CADPS: variants seen among roughly 807,000 people sequenced by gnomAD.
CADPS encodes calcium dependent secretion activator, also known as calcium-dependent secretion activator 1.
A neutral mutation model predicts 167.3 loss-of-function variants in CADPS; 57 were observed. That is an observed-to-expected ratio of 0.34 (90% CI 0.28 to 0.42). CADPS has a LOEUF of 0.42. CADPS is among the 20% of genes least tolerant of loss of function. CADPS has a pLI of 1.00. For synonymous variants in CADPS, 676 were observed against 635.3 expected, an observed-to-expected ratio of 1.06 and a Z score of -0.96; for missense variants, 1,414 against 1,738.1, an observed-to-expected ratio of 0.81 and a Z score of 3.32.
Position 62,587,387 on chromosome 3 carries a change from G to A in CADPS, c.1438-2063C>T, listed in dbSNP as rs190795430. Among the ~76,000 whole-genome samples the A allele has an allele frequency of 9.2e-4, 140 of 152,250 alleles. 3 individuals are homozygous for A. Among genetic ancestry groups the A allele is most frequent in the African/African-American group, 2.8e-3 (116 of 41,570 alleles). On this transcript the variant is annotated intron_variant, in intron 7 of 29. Coordinates refer to ENST00000383710, the MANE Select transcript of CADPS (RefSeq NM_003716.4). ...CTCCAGGAACTGCCTGTTCTTACAC[G>A]TCACCCTGTATCATGTACCACATCC...
Position 62,742,198 on chromosome 3 carries a change from G to T in CADPS, c.888+11243C>A, listed in dbSNP as rs141762156. ...TCAATATTGTTAAAATGGTCATACT[G>T]CCCAAAGCAATTTATAGATTCAATG... On this transcript the variant is annotated intron_variant, in intron 3 of 29. Coordinates refer to ENST00000383710, the MANE Select transcript of CADPS (RefSeq NM_003716.4). Among the ~76,000 whole-genome samples the T allele has an allele frequency of 2.6e-4, 39 of 152,176 alleles. No individual in the cohort carries two copies. The East Asian group carries it at 6.4e-3, about 25-fold the overall frequency.
intron 6 of CADPS, among the ~76,000 whole-genome samples, chr3:62,627,425 T>C (rs946019384): frequency 1.3e-5 from 2 of 152,158 alleles, no homozygotes; most frequent in African/African-American, 4.8e-5. Context: ...ATGGGCAAGC[T>C]GTTCTGCCTT....
At chr3:62,650,750 G>C (rs1215976524) in intron 5 of CADPS, 97 bp downstream of exon 5, 1 of 817,244 alleles carries the variant, frequency 1.2e-6, no homozygotes, top group Admixed American at 2.3e-5. Flanking sequence ...AACTGCTCCT[G>C]GGGTGCAACA....
At chr3:62,419,212 C>A (rs182818640) in intron 28 of CADPS, among the ~76,000 whole-genome samples, 1 of 152,272 alleles carries the variant, frequency 6.6e-6, no homozygotes, top group Admixed American at 6.5e-5. Flanking sequence ...TGTGATTAAG[C>A]CCCAATCAGC....
intron 6 of CADPS, among the ~76,000 whole-genome samples, chr3:62,609,525 T>C (rs1005002767): frequency 1.3e-5 from 2 of 152,188 alleles, no homozygotes; most frequent in African/African-American, 2.4e-5. Context: ...GTGGACTTTG[T>C]AGTTAGATGG....
At position 62,606,552 on chromosome 3, in the gene CADPS, C is replaced by T. The variant is rs372286495; in HGVS notation, c.1326-13804G>A. On this transcript the variant is annotated intron_variant, in intron 6 of 29. Coordinates refer to ENST00000383710, the MANE Select transcript of CADPS (RefSeq NM_003716.4). ...ACCTTGGACTTCTCAGCCTCCATGA[C>T]TGTAAGAAATAAATTCCTTTTCTTT... Among the ~76,000 whole-genome samples, 3 of 152,196 alleles carry T rather than the reference C, an allele frequency of 2.0e-5. No individual in the cohort carries two copies. In the South Asian group the frequency reaches 6.2e-4, roughly 31 times the overall value.
At chr3:62,773,670 C>A (rs2089514305) in intron 1 of CADPS, among the ~76,000 whole-genome samples, 1 of 152,056 alleles carries the variant, frequency 6.6e-6, no homozygotes. Flanking sequence ...CAATAATATC[C>A]AAAACCATAA....
intron 1 of CADPS, among the ~76,000 whole-genome samples, chr3:62,821,366 A>G (rs1380048124): frequency 6.6e-6 from 1 of 152,158 alleles, no homozygotes; most frequent in Non-Finnish European, 1.5e-5. Context: ...TTAAAACAAC[A>G]GAAATATATT....
chr3:62,454,795 G>C lies in CADPS; in HGVS notation c.3637-8998C>G, dbSNP rs142653162. ...GCAAGAACATGAAAACTGAGTTGCA[G>C]GGCTACTGGTTGATTGTACGGCTTC... On this transcript the variant is annotated intron_variant, in intron 26 of 29. Transcript: ENST00000383710. Among the ~76,000 whole-genome samples, 608 of 152,182 alleles carry C rather than the reference G, an allele frequency of 4.0e-3. 4 individuals are homozygous for C. The highest frequency in any genetic ancestry group is 6.8e-3 in the Middle Eastern group (2 of 294).
At chr3:62,528,394 CAT>C (rs1263829972) in intron 13 of CADPS, among the ~76,000 whole-genome samples, 1 of 152,146 alleles carries the variant, frequency 6.6e-6, no homozygotes, top group Non-Finnish European at 1.5e-5. Flanking sequence ...AATGAGATAA[CAT>C]ATATCAACAG....
intron 3 of CADPS, among the ~76,000 whole-genome samples, chr3:62,708,010 C>G (rs1056347541): frequency 2.0e-4 from 30 of 151,638 alleles, no homozygotes; most frequent in Non-Finnish European, 2.8e-4. Flanking sequence ...ACTTCAACCT[C>G]TGCCCCCTGG....
chr3:62,492,192 T>A, intron 20 of CADPS, 98 bp downstream of exon 20: 1 of 980,006 alleles, frequency 1.0e-6, no homozygotes, highest in Non-Finnish European at 1.6e-6. Flanking sequence ...CATGAAGAGC[T>A]ATGTCAAGCC....
At chr3:62,402,873 T>C (rs922476909) in intron 29 of CADPS, among the ~76,000 whole-genome samples, 2 of 152,264 alleles carry the variant, frequency 1.3e-5, no homozygotes, top group Non-Finnish European at 2.9e-5. Context: ...TGGAAAAAGA[T>C]ATCAAATTCA....
intron 1 of CADPS, among the ~76,000 whole-genome samples, chr3:62,820,663 A>G (rs770825542): frequency 2.0e-5 from 3 of 152,174 alleles, no homozygotes; most frequent in Non-Finnish European, 2.9e-5. Flanking sequence ...TGAACAGTTG[A>G]GTTCCTTGAA....
intron 24 of CADPS, 126 bp from the exon 25 acceptor site, chr3:62,466,539 C>G (rs1318574388): frequency 7.1e-6 from 5 of 703,514 alleles, no homozygotes; most frequent in Non-Finnish European, 1.0e-5. Context: ...TTTCCTTAGT[C>G]CCAGAAATAT....
At chr3:62,865,433 C>CT (rs959708356) in intron 1 of CADPS, among the ~76,000 whole-genome samples, 1 of 136,800 alleles carries the variant, frequency 7.3e-6, no homozygotes, top group African/African-American at 2.7e-5. Flanking sequence ...TATCCCAGAA[C>CT]TTTTTTACTG....
At chr3:62,606,744 G>A (rs2060746597) in intron 6 of CADPS, among the ~76,000 whole-genome samples, 1 of 152,218 alleles carries the variant, frequency 6.6e-6, no homozygotes, top group Admixed American at 6.5e-5. Context: ...GCTTAAAATG[G>A]TGCTTGAGTG....
At chr3:62,756,703 CT>C (rs2084004836) in intron 2 of CADPS, among the ~76,000 whole-genome samples, 2 of 152,128 alleles carry the variant, frequency 1.3e-5, no homozygotes, top group Admixed American at 1.3e-4. Flanking sequence ...AAGAAAACAC[CT>C]TTGAGATGAT....
chr3:62,756,873 C>A (rs2084049530), intron 2 of CADPS, among the ~76,000 whole-genome samples: 1 of 151,850 alleles, frequency 6.6e-6, no homozygotes, highest in South Asian at 2.1e-4. Context: ...CAGGGAGGGG[C>A]CAGAGAGTCC....
Sources: allele counts gnomAD v4.1 joint callset (sites outside exome capture counted in the v4.1 genomes callset), GRCh38; gene constraint gnomAD v4.1.1; transcripts MANE v1.5; gene names NCBI Gene and HGNC (gene_info 2026-07-23, HGNC 2026-07-21).